CYP4V2: variants seen among roughly 807,000 people sequenced by gnomAD.
CYP4V2 encodes cytochrome P450 4V2.
CYP4V2 carries 55 observed loss-of-function variants against 60.8 expected under a neutral mutation model. The ratio of observed to expected loss-of-function variants is 0.90; its 90% CI spans 0.73 to 1.13. The LOEUF (loss-of-function observed/expected upper bound fraction) is 1.13. CYP4V2 is among the 50% of genes most tolerant of loss of function. The probability of loss-of-function intolerance (pLI) is 0.00; values close to 1 mark genes in which losing one functional copy is unlikely to be tolerated. For missense variants in CYP4V2, 675 were observed against 662.9 expected (o/e 1.02, Z -0.20); for synonymous variants, 239 against 236.8 (o/e 1.01, Z -0.08).
intron 7 of CYP4V2, chr4:186,203,057 CAT>C (rs1254784060): frequency 1.9e-5 from 2 of 104,582 alleles, no homozygotes; most frequent in Non-Finnish European, 4.5e-5. Flanking sequence ...CATAGATGCA[CAT>C]ATATACACAC....
At position 186,197,142 on chromosome 4, in the gene CYP4V2, C is replaced by T. The variant is rs1054782379; in HGVS notation, c.604+12C>T. On this transcript the variant is annotated intron_variant, in intron 4 of 10. Coordinates refer to ENST00000378802, the MANE Select transcript of CYP4V2 (RefSeq NM_207352.4). ...AGATATCATCTGTGGTGAGTCTCAT[C>T]GATCTGTTTCTAAATTTATGGCATA... 2.5e-6 allele frequency: 4 copies of T among 1,613,044 alleles called. No homozygotes were observed. Among genetic ancestry groups the T allele is most frequent in the African/African-American group, 2.7e-5 (2 of 74,892 alleles).
intron 3 of CYP4V2, 161 bp downstream of exon 3, chr4:186,196,249 C>T (rs1736143087): frequency 1.4e-6 from 1 of 706,338 alleles, no homozygotes; most frequent in African/African-American, 1.8e-5. Context: ...GGCAGCTGGC[C>T]TTTGCCCGTC....
intron 7 of CYP4V2, chr4:186,204,155 G>A (rs1161425426): frequency 1.3e-5 from 2 of 158,120 alleles, no homozygotes; most frequent in African/African-American, 4.8e-5. Flanking sequence ...GGTTGCCCGA[G>A]ACATTACACT....
chr4:186,201,403 T>C, intron 7 of CYP4V2, 61 bp downstream of exon 7: 1 of 1,559,918 alleles, frequency 6.4e-7, no homozygotes, highest in South Asian at 1.2e-5. Flanking sequence ...TTAGAATCTT[T>C]AGCATTATTT....
At chr4:186,208,527 G>T (rs1318291142) in intron 8 of CYP4V2, among the ~76,000 whole-genome samples, 1 of 140,306 alleles carries the variant, frequency 7.1e-6, no homozygotes, top group East Asian at 2.2e-4. Context: ...TTCTTTGATG[G>T]GTATTTGATG....
Position 186,196,077 on chromosome 4 carries a change from A to G in CYP4V2, c.402A>G (p.Gly134=). 6.2e-7 allele frequency: 1 copy of G among 1,613,682 alleles called. No individual in the cohort carries two copies. Among genetic ancestry groups the G allele is most frequent in the Non-Finnish European group, 8.5e-7 (1 of 1,179,564 alleles). ...TTTTAGAACCATGGCTTGGCCTAGG[A>G]CTTCTTACAAGGTATGCCAGTGTAC... ...YKFLEPWLGL[G]LLTSTGNKWR... The change falls in exon 3 of 11, where the codon GGA becomes GGG. Residue 134 remains glycine, a synonymous_variant. Transcript: ENST00000378802.
intron 5 of CYP4V2, among the ~76,000 whole-genome samples, chr4:186,197,900 C>G (rs1054458570): frequency 6.6e-6 from 1 of 152,080 alleles, no homozygotes; most frequent in Non-Finnish European, 1.5e-5. Context: ...TTTTCTGTAC[C>G]ATGATAATTG....
chr4:186,202,234 G>A (rs1472423557), intron 7 of CYP4V2: 1 of 152,196 alleles, frequency 6.6e-6, no homozygotes, highest in Non-Finnish European at 1.5e-5. Context: ...GGACTACGTT[G>A]GTGGTTTTAA....
chr4:186,208,938 C>T lies in CYP4V2; in HGVS notation c.1164C>T (p.Thr388=). 6.2e-7 allele frequency: 1 copy of T among 1,614,158 alleles called. No individual in the cohort carries two copies. Among genetic ancestry groups the T allele is most frequent in the South Asian group, 1.1e-5 (1 of 91,084 alleles). Residue 388 remains threonine (T), a synonymous_variant, in exon 9 of 11, where the codon ACC becomes ACT. Transcript: ENST00000378802. ...LRYLECVIKE[T]LRLFPSVPLF... is the part of the protein sequence containing the mutation. ...ATCTGGAATGTGTTATTAAGGAGAC[C>T]CTTCGCCTTTTTCCTTCTGTTCCTT...
chr4:186,193,083 A>G (rs1235433877), intron 1 of CYP4V2, among the ~76,000 whole-genome samples: 2 of 152,214 alleles, frequency 1.3e-5, no homozygotes, highest in African/African-American at 2.4e-5. Context: ...TTGCCAACCA[A>G]ATATCATCAT....
chr4:186,191,810 C>T lies in CYP4V2; in HGVS notation c.-14C>T. On this transcript the variant is annotated 5_prime_UTR_variant, in exon 1 of 11. Coordinates refer to ENST00000378802, the MANE Select transcript of CYP4V2 (RefSeq NM_207352.4). ...ACTTTCCCGGAGTGCACCCCGCGGCCGCCAGCCGGGGCGATGGCGGGGCTC... is the reference window on the plus strand; with the variant it reads ...ACTTTCCCGGAGTGCACCCCGCGGCTGCCAGCCGGGGCGATGGCGGGGCTC... 5.9e-6 allele frequency: 9 copies of T among 1,535,402 alleles called. No individual in the cohort carries two copies. The highest frequency in any genetic ancestry group is 7.8e-6 in the Non-Finnish European group (9 of 1,147,766).
Position 186,211,682 on chromosome 4 carries a change from CACACACACACACACAT to C in CYP4V2, c.*1049_*1064del. ...ACACACATACACACACACACACACA[CACACACACACACACAT>C]ACACACATATAATTTGAAAGAGGTG... On this transcript the variant is annotated 3_prime_UTR_variant, in exon 11 of 11. Transcript: ENST00000378802. 1 of 91,062 alleles carries C rather than the reference CACACACACACACACAT, an allele frequency of 1.1e-5. No homozygotes were observed. The highest frequency in any genetic ancestry group is 2.5e-5 in the Non-Finnish European group (1 of 40,224). 5.6% of individuals were successfully genotyped at this position (91,062 alleles called of 1,614,324 possible). A position where few individuals can be genotyped will look rare whatever the true frequency, so the allele number is the denominator to read the frequency against.
chr4:186,213,320 G>GA lies in CYP4V2; in HGVS notation c.*2684dup, dbSNP rs1297977942. 3 of 152,174 alleles carry GA rather than the reference G, an allele frequency of 2.0e-5. No homozygotes were observed. Among genetic ancestry groups the GA allele is most frequent in the Non-Finnish European group, 4.4e-5 (3 of 68,036 alleles). The allele number at this position is 152,174 out of a possible 1,614,324, so 9.4% of individuals were successfully genotyped here. ...CCTCTGCCTGAAAGACGTGTCTCAA[G>GA]AAAAATAAATTCTATTTTAGATGCA... On this transcript the variant is annotated 3_prime_UTR_variant, in exon 11 of 11. Transcript: ENST00000378802.
Position 186,196,721 on chromosome 4 carries a change from C to G in CYP4V2, c.414-219C>G, listed in dbSNP as rs929421102. 9 of 542,940 alleles carry G rather than the reference C, an allele frequency of 1.7e-5. No individual in the cohort carries two copies. The Admixed American group carries it at 1.7e-4, about 10-fold the overall frequency. The allele number at this position is 542,940 out of a possible 1,614,324, so 33.6% of individuals were successfully genotyped here. A position where few individuals can be genotyped will look rare whatever the true frequency, so the allele number is the denominator to read the frequency against. On this transcript the variant is annotated intron_variant, in intron 3 of 10. Coordinates refer to ENST00000378802, the MANE Select transcript of CYP4V2 (RefSeq NM_207352.4). ...TTTTAAACATGTATAGAACAATGTC[C>G]AAAATACTCATATTTTGTAACTATA...
At chr4:186,201,060 TAAATG>T (rs1736290739) in intron 6 of CYP4V2, 92 bp from the exon 7 acceptor site, 3 of 1,249,222 alleles carry the variant, frequency 2.4e-6, no homozygotes, top group Admixed American at 4.1e-5. Context: ...CTTAGAAAAA[TAAATG>T]AAAGAAACTA....
intron 1 of CYP4V2, 166 bp downstream of exon 1, chr4:186,192,203 C>T (rs1248221458): frequency 4.6e-6 from 4 of 875,870 alleles, no homozygotes; most frequent in Non-Finnish European, 7.4e-6. Flanking sequence ...TGGCACCCGC[C>T]GACACTGCTA....
Position 186,201,289 on chromosome 4 carries a change from A to G in CYP4V2, c.934A>G (p.Asn312Asp). The G allele has an allele frequency of 6.2e-7, 1 of 1,614,210 alleles. No individual in the cohort carries two copies. Among genetic ancestry groups the G allele is most frequent in the Non-Finnish European group, 8.5e-7 (1 of 1,180,046 alleles). The change falls in exon 7 of 11, where the codon AAC (asparagine) becomes GAC (aspartate). Residue 312 changes from asparagine (N) to aspartate (D), a missense_variant. Asn to Asp is a conservative substitution (Grantham distance 23, BLOSUM62 1). Transcript: ENST00000378802. ...LLLSVTDDEG[N>D]RLSHEDIREE... ...TTTAAGTGTGACTGATGACGAAGGG[A>G]ACAGGCTAAGTCATGAAGATATTCG...
rs774322794 is a variant in CYP4V2 at position 186,210,551 on chromosome 4, A to G, written c.1488A>G (p.Arg496=). 5 of 1,614,192 alleles carry G rather than the reference A, an allele frequency of 3.1e-6. No homozygotes were observed. The highest frequency in any genetic ancestry group is 2.2e-5 in the South Asian group (2 of 91,086). The part of the protein sequence containing the change: ...RHFWIESNQK[R]EELGLEGQLI... ...TTTGGATAGAATCCAACCAGAAAAG[A>G]GAAGAGCTTGGTCTAGAAGGACAGT... The change falls in exon 11 of 11, where the codon AGA becomes AGG. Residue 496 remains arginine, a synonymous_variant. Coordinates refer to ENST00000378802, the MANE Select transcript of CYP4V2 (RefSeq NM_207352.4).
At chr4:186,194,406 G>A (rs1189342738) in intron 1 of CYP4V2, 94 bp from the exon 2 acceptor site, 1 of 1,037,110 alleles carries the variant, frequency 9.6e-7, no homozygotes, top group Non-Finnish European at 1.5e-6. Flanking sequence ...TACAGAATTA[G>A]TATATTCATC....
Sources: allele counts gnomAD v4.1 joint callset (sites outside exome capture counted in the v4.1 genomes callset), GRCh38; gene constraint gnomAD v4.1.1; transcripts MANE v1.5; gene names NCBI Gene and HGNC (gene_info 2026-07-23, HGNC 2026-07-21).